Variants in MGMT observed in about 807,000 individuals in gnomAD.
MGMT encodes O-6-methylguanine-DNA methyltransferase.
In MGMT, 14 loss-of-function variants were observed where a neutral mutation model predicts 15.9. The observed-to-expected ratio is 0.88, with a 90% CI of 0.58 to 1.37. The LOEUF (loss-of-function observed/expected upper bound fraction) is 1.37, where lower values mean the gene tolerates loss of function less well. MGMT is among the 40% of genes most tolerant of loss of function. MGMT has a pLI of 0.00. For synonymous variants in MGMT, 130 were observed against 118.2 expected (o/e 1.10, Z -0.65); for missense variants, 282 against 268.1 (o/e 1.05, Z -0.36).
chr10:129,642,223 G>A (rs946947574), intron 2 of MGMT, among the ~76,000 whole-genome samples: 1 of 152,066 alleles, frequency 6.6e-6, no homozygotes, highest in African/African-American at 2.4e-5. Context: ...GCGGGCGGGC[G>A]GGCGTAGGGG....
At chr10:129,501,279 G>A (rs1845572162) in intron 1 of MGMT, among the ~76,000 whole-genome samples, 1 of 152,192 alleles carries the variant, frequency 6.6e-6, no homozygotes, top group Non-Finnish European at 1.5e-5. Flanking sequence ...GAGCTACCCT[G>A]CCTCCTGCGG....
At chr10:129,593,661 A>T (rs984259401) in intron 2 of MGMT, among the ~76,000 whole-genome samples, 7 of 152,232 alleles carry the variant, frequency 4.6e-5, no homozygotes, top group Non-Finnish European at 1.0e-4. Context: ...TGGGTGGCTG[A>T]GGCGTAAGTC....
At chr10:129,651,512 TTA>T (rs1554874064) in intron 2 of MGMT, among the ~76,000 whole-genome samples, 1 of 152,212 alleles carries the variant, frequency 6.6e-6, no homozygotes, top group Non-Finnish European at 1.5e-5. Context: ...TTTATTCCGT[TTA>T]TGTCTTCATC....
chr10:129,766,189 G>C (rs1848932135), intron 4 of MGMT, among the ~76,000 whole-genome samples: 1 of 152,226 alleles, frequency 6.6e-6, no homozygotes, highest in Non-Finnish European at 1.5e-5. Flanking sequence ...CTCCTGTCAA[G>C]GGCCAGAGAG....
intron 2 of MGMT, among the ~76,000 whole-genome samples, chr10:129,611,526 A>C (rs188155665): frequency 6.6e-6 from 1 of 152,218 alleles, no homozygotes; most frequent in African/African-American, 2.4e-5. Context: ...GGGTGTGGAC[A>C]CAGAGCCAAA....
rs191894030 is a variant in MGMT at position 129,594,600 on chromosome 10, C to G, written c.125+58223C>G. 1.2e-4 allele frequency among the ~76,000 whole-genome samples: 18 copies of G among 152,306 alleles called. 1 individual carries two copies. The highest frequency in any genetic ancestry group is 1.0e-3 in the Admixed American group (16 of 15,304). ...ACACCATTGGGTCTCACAGCTTTCTCCTGCCTAACATACCACAGCAGTGTA... is the reference window on the plus strand; with the variant it reads ...ACACCATTGGGTCTCACAGCTTTCTGCTGCCTAACATACCACAGCAGTGTA... On this transcript the variant is annotated intron_variant, in intron 2 of 4. Coordinates refer to ENST00000651593, the MANE Select transcript of MGMT (RefSeq NM_002412.5).
At chr10:129,529,528 G>A (rs780196150) in intron 1 of MGMT, among the ~76,000 whole-genome samples, 17 of 152,268 alleles carry the variant, frequency 1.1e-4, no homozygotes, top group Non-Finnish European at 1.9e-4. Context: ...TCTGTGGCCC[G>A]TTTCCTAACA....
intron 2 of MGMT, among the ~76,000 whole-genome samples, chr10:129,654,416 G>A (rs1847500388): frequency 6.6e-6 from 1 of 152,136 alleles, no homozygotes; most frequent in South Asian, 2.1e-4. Context: ...AGAAGAGAAG[G>A]TGCTCATATT....
intron 2 of MGMT, among the ~76,000 whole-genome samples, chr10:129,589,516 G>A (rs1424621334): frequency 6.6e-6 from 1 of 152,214 alleles, no homozygotes; most frequent in Non-Finnish European, 1.5e-5. Flanking sequence ...GCTTCTTGTG[G>A]CCTCTACTAA....
intron 2 of MGMT, among the ~76,000 whole-genome samples, chr10:129,609,942 A>C (rs1223195125): frequency 6.6e-6 from 1 of 152,168 alleles, no homozygotes; most frequent in East Asian, 1.9e-4. Flanking sequence ...AGAAGCATCG[A>C]GATGCCCAGT....
chr10:129,554,505 A>G (rs983937381), intron 2 of MGMT, among the ~76,000 whole-genome samples: 26 of 152,030 alleles, frequency 1.7e-4, no homozygotes, highest in African/African-American at 5.8e-4. Flanking sequence ...TTAACTGTCT[A>G]TGTCCTGGTG....
intron 2 of MGMT, among the ~76,000 whole-genome samples, chr10:129,643,479 A>G (rs991559797): frequency 2.6e-5 from 4 of 152,206 alleles, no homozygotes; most frequent in Admixed American, 2.6e-4. Context: ...GCCAGGGCAC[A>G]GAGGCTTGCT....
chr10:129,477,283 A>G (rs570981146), intron 1 of MGMT, among the ~76,000 whole-genome samples: 2 of 152,128 alleles, frequency 1.3e-5, no homozygotes, highest in South Asian at 2.1e-4. Context: ...ACTGTTTTCT[A>G]CTAGACTTGT....
intron 3 of MGMT, among the ~76,000 whole-genome samples, chr10:129,737,839 G>T (rs1047925500): frequency 2.0e-5 from 3 of 152,182 alleles, no homozygotes; most frequent in South Asian, 2.1e-4. Context: ...TGGCCCTGCT[G>T]GGGGGTGCCT....
intron 2 of MGMT, among the ~76,000 whole-genome samples, chr10:129,554,434 T>C (rs892681121): frequency 2.6e-5 from 4 of 152,358 alleles, no homozygotes; most frequent in Non-Finnish European, 5.9e-5. Context: ...AAGCATGATT[T>C]TTCAAGGTCT....
chr10:129,580,180 G>A (rs1407006819), intron 2 of MGMT, among the ~76,000 whole-genome samples: 1 of 152,172 alleles, frequency 6.6e-6, no homozygotes, highest in African/African-American at 2.4e-5. Context: ...CCCATTAACG[G>A]GCAGGTGGCA....
At chr10:129,600,278 C>T (rs1317411537) in intron 2 of MGMT, among the ~76,000 whole-genome samples, 2 of 152,172 alleles carry the variant, frequency 1.3e-5, no homozygotes, top group African/African-American at 4.8e-5. Context: ...TTAGGGGTAG[C>T]TCTCACCTTA....
At chr10:129,642,733 T>C (rs2133090957) in intron 2 of MGMT, among the ~76,000 whole-genome samples, 1 of 152,284 alleles carries the variant, frequency 6.6e-6, no homozygotes, top group Admixed American at 6.5e-5. Context: ...CACAGGTGTA[T>C]GTTCCTGGCC....
intron 1 of MGMT, among the ~76,000 whole-genome samples, chr10:129,517,062 C>A (rs1053182177): frequency 2.6e-5 from 4 of 152,196 alleles, no homozygotes; most frequent in Admixed American, 2.0e-4. Context: ...TCCGTCCCTC[C>A]CACTCCAGCT....
Sources: allele counts gnomAD v4.1 joint callset (sites outside exome capture counted in the v4.1 genomes callset), GRCh38; gene constraint gnomAD v4.1.1; transcripts MANE v1.5; gene names NCBI Gene and HGNC (gene_info 2026-07-23, HGNC 2026-07-21).